ITGA5: variants seen among roughly 807,000 people sequenced by gnomAD.
ITGA5 encodes the protein integrin alpha-5.
A neutral mutation model predicts 146.3 loss-of-function variants in ITGA5; 55 were observed. That is an observed-to-expected ratio of 0.38 (90% confidence interval 0.30 to 0.47). The LOEUF is 0.47. ITGA5 is among the 20% of genes least tolerant of loss of function. The probability of loss-of-function intolerance (pLI) is 0.99; values close to 1 mark genes in which losing one functional copy is unlikely to be tolerated. For missense variants in ITGA5, 1,131 were observed against 1,329.0 expected, an observed-to-expected ratio of 0.85 and a Z score of 2.32; for synonymous variants, 500 against 531.8, an observed-to-expected ratio of 0.94 and a Z score of 0.82.
intron 15 of ITGA5, 73 bp downstream of exon 15, chr12:54,404,071 CT>C: frequency 6.4e-7 from 1 of 1,566,752 alleles, no homozygotes. Context: ...CCATTTTCCC[CT>C]TTTTAAGGCA....
intron 7 of ITGA5, 52 bp from the exon 8 acceptor site, chr12:54,407,928 G>T: frequency 1.7e-5 from 27 of 1,545,338 alleles, no homozygotes; most frequent in Non-Finnish European, 2.4e-5. Flanking sequence ...GGACCCCTCT[G>T]CTCTGGCCTA....
In ITGA5 at chr12:54,398,829, CTCTCTCTT is replaced by C; in HGVS notation, c.2842-139_2842-132del. The C allele has an allele frequency of 5.7e-5, 27 of 469,668 alleles. No individual in the cohort carries two copies. The South Asian group carries it at 6.1e-4, about 11-fold the overall frequency. 29.1% of individuals were successfully genotyped at this position (469,668 alleles called of 1,614,324 possible). On this transcript the variant is annotated intron_variant, in intron 27 of 29. Coordinates refer to ENST00000293379, the MANE Select transcript of ITGA5 (RefSeq NM_002205.5). ...ATTCTTCCTGAGTCTCTCTCTCTCT[CTCTCTCTT>C]TTTTTTTTTTTTTTTTTTTTGAGAC...
At chr12:54,408,589 G>A (rs981241786) in intron 6 of ITGA5, among the ~76,000 whole-genome samples, 167 bp downstream of exon 6, 6 of 151,950 alleles carry the variant, frequency 3.9e-5, no homozygotes, top group African/African-American at 9.7e-5. Context: ...AGCCAGGCGC[G>A]GTGGCAGGCG....
intron 25 of ITGA5, chr12:54,400,366 C>G (rs1270234545): frequency 2.0e-5 from 4 of 200,802 alleles, no homozygotes. Flanking sequence ...CCTTTCAATC[C>G]CTGTTAATTT....
At chr12:54,402,700 C>CAA (rs1316524763) in intron 19 of ITGA5, among the ~76,000 whole-genome samples, 2 of 123,332 alleles carry the variant, frequency 1.6e-5, no homozygotes, top group African/African-American at 3.0e-5. Flanking sequence ...GACTCCGTCT[C>CAA]AAAAAAAAAA....
rs140544217 is a variant in ITGA5 at position 54,408,911 on chromosome 12, G to A, written c.627C>T (p.Phe209=). 16 of 1,614,030 alleles carry A rather than the reference G, an allele frequency of 9.9e-6. No individual in the cohort carries two copies. The African/African-American group carries it at 1.3e-4, about 13-fold the overall frequency. ...AAGQGYCQGG[F]SAEFTKTGRV... Reference sequence around the variant, plus strand: ...CTCTCACCTTGGTGAACTCGGCACTGAAGCCTCCTTGGCAGTAACCCTGTC... The same window carrying A: ...CTCTCACCTTGGTGAACTCGGCACTAAAGCCTCCTTGGCAGTAACCCTGTC... Residue 209 remains phenylalanine (F), a synonymous_variant, in exon 5 of 30, where the codon TTC becomes TTT. Coordinates refer to ENST00000293379, the MANE Select transcript of ITGA5 (RefSeq NM_002205.5).
In ITGA5 at chr12:54,409,346, C is replaced by T. The variant is rs1438946889; in HGVS notation, c.469G>A (p.Ala157Thr). The T allele has an allele frequency of 6.2e-7, 1 of 1,612,374 alleles. No individual in the cohort carries two copies. Reference protein sequence around the residue: ...RAHGSSILACAPLYSWRTEKE... With the variant: ...RAHGSSILACTPLYSWRTEKE... ...TCTGTGCGCCAGCTGTACAGTGGAG[C>T]GCATGCCTGGGAGGGCCCAGGAGGA... Residue 157 changes from alanine to threonine, a missense_variant, in exon 4 of 30, where the codon GCT becomes ACT. Coordinates refer to ENST00000293379, the MANE Select transcript of ITGA5 (RefSeq NM_002205.5). The surrounding 1 kb of genome is among the most constrained non-coding windows in gnomAD (Gnocchi z 4.7).
intron 6 of ITGA5, among the ~76,000 whole-genome samples, chr12:54,408,509 C>T (rs888861714): frequency 3.3e-5 from 5 of 152,052 alleles, no homozygotes; most frequent in South Asian, 2.1e-4. Context: ...GGGTGGATCA[C>T]GAGGTCAGGA....
chr12:54,405,509 C>T, intron 11 of ITGA5, 135 bp from the exon 12 acceptor site: 1 of 1,009,928 alleles, frequency 9.9e-7, no homozygotes, highest in South Asian at 1.5e-5. Context: ...CAGCTCTCAG[C>T]TCTTTCCTTG....
chr12:54,405,035 G>T, intron 12 of ITGA5, 131 bp downstream of exon 12: 1 of 1,200,916 alleles, frequency 8.3e-7, no homozygotes, highest in East Asian at 2.4e-5. Context: ...CCAAGACCCA[G>T]ACAGTGGGAT....
rs371569195 is a variant in ITGA5 at position 54,405,631 on chromosome 12, G to A, written c.1016+33C>T. On this transcript the variant is annotated intron_variant, in intron 11 of 29. Transcript: ENST00000293379. The stretch of plus-strand genomic sequence containing the variant: ...CACTCTTCCCTCTTGGTTCTGGGAG[G>A]GTATCACAGTGCGCTCATTTCCCAC... The A allele has an allele frequency of 3.2e-5, 50 of 1,576,636 alleles. No individual in the cohort carries two copies. In the African/African-American group the frequency reaches 6.5e-4, roughly 20 times the overall value.
chr12:54,412,616 C>T (rs1185981171), intron 1 of ITGA5: 2 of 152,492 alleles, frequency 1.3e-5, no homozygotes, highest in African/African-American at 4.8e-5. Context: ...TGTGTTTCAG[C>T]CCTTGAACCC....
rs73322233 is a variant in ITGA5 at position 54,407,592 on chromosome 12, G to T, written c.906+57C>A. Reference sequence around the variant, plus strand: ...TGAGCCCTTGCAAACTGCCATGCACGGTTCTTTGTGATTAGGCAGGGGAGG... The same window carrying T: ...TGAGCCCTTGCAAACTGCCATGCACTGTTCTTTGTGATTAGGCAGGGGAGG... On this transcript the variant is annotated intron_variant, in intron 9 of 29. Transcript: ENST00000293379. The T allele has an allele frequency of 9.7e-4, 1,406 of 1,453,048 alleles. 10 individuals are homozygous for T. The African/African-American group carries it at 0.017, about 17-fold the overall frequency. 90.0% of individuals were successfully genotyped at this position (1,453,048 alleles called of 1,614,324 possible).
At position 54,408,940 on chromosome 12, in the gene ITGA5, C is replaced by T. The variant is rs954649983; in HGVS notation, c.598G>A (p.Ala200Thr). 6.2e-7 allele frequency: 1 copy of T among 1,614,080 alleles called. No homozygotes were observed. The highest frequency in any genetic ancestry group is 8.5e-7 in the Non-Finnish European group (1 of 1,180,008). The change falls in exon 5 of 30, where the codon GCA (alanine) becomes ACA (threonine). Residue 200 changes from alanine (A) to threonine (T), a missense_variant. Ala to Thr is a moderately conservative substitution (Grantham distance 58, BLOSUM62 0). Coordinates refer to ENST00000293379, the MANE Select transcript of ITGA5 (RefSeq NM_002205.5). ...CCTCCTTGGCAGTAACCCTGTCCTG[C>T]TGCCCAGCTGAAATCTGTGAGGGGA... ...APCRSDFSWA[A>T]GQGYCQGGFS...
rs778203080 is a variant in ITGA5, at chr12:54,402,164, G to A, written c.2133+16C>T. 1.9e-6 allele frequency: 3 copies of A among 1,613,260 alleles called. No individual in the cohort carries two copies. The highest frequency in any genetic ancestry group is 1.3e-5 in the African/African-American group (1 of 74,998). On this transcript the variant is annotated intron_variant, in intron 20 of 29. Coordinates refer to ENST00000293379, the MANE Select transcript of ITGA5 (RefSeq NM_002205.5). ...AGGGGTATCCTCCCAAATCCCACTCGAGAGTCTCATCTCACCCCTGGGTGT... is the reference window on the plus strand; with the variant it reads ...AGGGGTATCCTCCCAAATCCCACTCAAGAGTCTCATCTCACCCCTGGGTGT...
rs1429871305 is a variant in ITGA5, at chr12:54,419,209, C to G, written c.-11G>C. The G allele has an allele frequency of 6.4e-7, 1 of 1,551,872 alleles. No individual in the cohort carries two copies. The highest frequency in any genetic ancestry group is 1.2e-5 in the South Asian group (1 of 85,092). On this transcript the variant is annotated 5_prime_UTR_variant, in exon 1 of 30. Transcript: ENST00000293379. The stretch of plus-strand genomic sequence containing the variant: ...CGTCCGGCTCCCCATAGCGCCCGCT[C>G]TTCCCTGTCCTGGGGCCACCGACCC...
chr12:54,405,420 AC>A, intron 11 of ITGA5, 46 bp from the exon 12 acceptor site: 1 of 1,440,288 alleles, frequency 6.9e-7, no homozygotes, highest in Non-Finnish European at 9.5e-7. Flanking sequence ...CTGTCTTGCC[AC>A]CCCACCCCAA....
rs141341610 is a variant in ITGA5 at position 54,405,665 on chromosome 12, C to G, written c.1015G>C (p.Gly339Arg). 4 of 1,612,948 alleles carry G rather than the reference C, an allele frequency of 2.5e-6. No individual in the cohort carries two copies. Among genetic ancestry groups the G allele is most frequent in the Non-Finnish European group, 1.7e-6 (2 of 1,179,126 alleles). Residue 339 changes from glycine to arginine, a missense_variant and splice_region_variant, in exon 11 of 30, where the codon GGG (glycine) becomes CGG (arginine). Transcript: ENST00000293379. ...GTGCGCTCATTTCCCACCACTCACC[C>G]GTCCCCATTGACGTCTGTGGCGGCC... ...AVAATDVNGD[G>R]LDDLLVGAPL...
chr12:54,400,478 G>T, intron 25 of ITGA5: 1 of 207,920 alleles, frequency 4.8e-6, no homozygotes. Flanking sequence ...AATATTTCCT[G>T]GGCCTAACAG....
Sources: gnomAD v4.1 joint callset for allele counts (sites outside exome capture counted in the v4.1 genomes callset) on GRCh38, gnomAD v4.1.1 for gene constraint, Gnocchi (gnomAD v3.1) non-coding constraint, MANE v1.5 for transcripts, NCBI Gene and HGNC (gene_info 2026-07-23, HGNC 2026-07-21) for gene names.